Variants in SUFU observed in about 807,000 individuals in gnomAD.
SUFU encodes the protein SUFU negative regulator of hedgehog signaling.
In SUFU, 7 loss-of-function variants were observed where a neutral mutation model predicts 58.9. The ratio of observed to expected loss-of-function variants is 0.12; its 90% CI spans 0.07 to 0.22. SUFU has a LOEUF of 0.22. Among genes scored for constraint, SUFU ranks in the 10% least tolerant of loss-of-function variants. The pLI, the probability that SUFU is intolerant of heterozygous loss-of-function variation, is 1.00. For synonymous variants in SUFU, 232 were observed against 254.8 expected (o/e 0.91, Z 0.85); for missense variants, 451 against 641.3 (o/e 0.70, Z 3.20).
chr10:102,539,691 A>G (rs2062778057), intron 2 of SUFU, among the ~76,000 whole-genome samples: 1 of 152,212 alleles, frequency 6.6e-6, no homozygotes, highest in Non-Finnish European at 1.5e-5. Context: ...ATTTTACTGT[A>G]AGGAAGAGTC....
intron 2 of SUFU, among the ~76,000 whole-genome samples, chr10:102,542,167 C>G (rs1477265967): frequency 7.0e-6 from 1 of 143,020 alleles, no homozygotes; most frequent in African/African-American, 2.6e-5. Flanking sequence ...GAGTCTCACT[C>G]TGTTGCCTGG....
intron 3 of SUFU, among the ~76,000 whole-genome samples, chr10:102,589,238 T>G (rs944190626): frequency 2.0e-5 from 3 of 152,056 alleles, no homozygotes; most frequent in Non-Finnish European, 4.4e-5. Flanking sequence ...TTAGTTTTGT[T>G]TTTGGATTGT....
intron 6 of SUFU, 118 bp downstream of exon 6, chr10:102,594,183 G>T: frequency 2.0e-6 from 2 of 1,018,920 alleles, no homozygotes; most frequent in South Asian, 2.7e-5. Context: ...TAGAAATATG[G>T]CATCACTTGG....
At position 102,538,642 on chromosome 10, in the gene SUFU, CAT is replaced by C. The variant is rs138184719; in HGVS notation, c.318-11327_318-11326del. On this transcript the variant is annotated intron_variant, in intron 2 of 11. Coordinates refer to ENST00000369902, the MANE Select transcript of SUFU (RefSeq NM_016169.4). Reference sequence around the variant, plus strand: ...CCACACGCATGCATGCACACACACACATGTATGCAGCCTCTCCCGCTGTCAAC... The same window carrying C: ...CCACACGCATGCATGCACACACACACGTATGCAGCCTCTCCCGCTGTCAAC... Among the ~76,000 whole-genome samples, 1,357 of 152,244 alleles carry C rather than the reference CAT, an allele frequency of 8.9e-3. 20 individuals are homozygous for C. The highest frequency in any genetic ancestry group is 0.031 in the African/African-American group (1,268 of 41,544).
chr10:102,583,983 A>G (rs1031077517), intron 3 of SUFU, among the ~76,000 whole-genome samples: 1 of 152,214 alleles, frequency 6.6e-6, no homozygotes, highest in African/African-American at 2.4e-5. Flanking sequence ...ACCAGGAGCA[A>G]TGGTGCCACC....
At chr10:102,627,055 A>C (rs565681343) in intron 10 of SUFU, 120 bp from the exon 11 acceptor site, 53 of 1,101,834 alleles carry the variant, frequency 4.8e-5, no homozygotes, top group Non-Finnish European at 7.3e-5. Flanking sequence ...GTGTCCCTTG[A>C]ACAGATCACA....
intron 1 of SUFU, among the ~76,000 whole-genome samples, chr10:102,508,673 C>A (rs1449350467): frequency 1.3e-5 from 2 of 152,148 alleles, no homozygotes; most frequent in East Asian, 1.9e-4. Flanking sequence ...ACATAGGGCA[C>A]AATATAGTCT....
At chr10:102,581,128 C>T (rs977660422) in intron 3 of SUFU, among the ~76,000 whole-genome samples, 5 of 133,876 alleles carry the variant, frequency 3.7e-5, no homozygotes, top group East Asian at 2.2e-4. Context: ...TGCAGTGAGC[C>T]GAGATTGTGT....
chr10:102,514,940 G>A (rs1394032734), intron 2 of SUFU, among the ~76,000 whole-genome samples: 4 of 152,244 alleles, frequency 2.6e-5, no homozygotes, highest in African/African-American at 9.6e-5. Context: ...AAGTCGGGCT[G>A]GTTCCAAAGA....
At chr10:102,548,009 G>A (rs767740105) in intron 2 of SUFU, among the ~76,000 whole-genome samples, 4 of 152,006 alleles carry the variant, frequency 2.6e-5, no homozygotes, top group Non-Finnish European at 5.9e-5. Flanking sequence ...AAAGAAATTA[G>A]CCAGGTGCTA....
chr10:102,585,737 T>C (rs1327149616), intron 3 of SUFU, among the ~76,000 whole-genome samples: 1 of 152,072 alleles, frequency 6.6e-6, no homozygotes, highest in Non-Finnish European at 1.5e-5. Flanking sequence ...CTGGCTGGTC[T>C]CAAACTCCTG....
At chr10:102,598,117 A>G (rs976319304) in intron 7 of SUFU, among the ~76,000 whole-genome samples, 24 of 152,166 alleles carry the variant, frequency 1.6e-4, no homozygotes, top group Non-Finnish European at 5.9e-5. Flanking sequence ...CGTTCTGTAA[A>G]GGACAAACTT....
At chr10:102,555,039 C>T (rs947874886) in intron 3 of SUFU, among the ~76,000 whole-genome samples, 67 of 152,158 alleles carry the variant, frequency 4.4e-4, no homozygotes, top group Admixed American at 1.3e-3. Context: ...GAGGCCGAGG[C>T]GGGCGAATCA....
chr10:102,583,896 G>T (rs1231991557), intron 3 of SUFU, among the ~76,000 whole-genome samples: 1 of 152,090 alleles, frequency 6.6e-6, no homozygotes, highest in Admixed American at 6.5e-5. Flanking sequence ...GTGATGTTCG[G>T]TTTGGGGTAT....
chr10:102,604,601 C>T (rs2063544885), intron 8 of SUFU, among the ~76,000 whole-genome samples: 1 of 152,064 alleles, frequency 6.6e-6, no homozygotes, highest in Non-Finnish European at 1.5e-5. Flanking sequence ...AGTCACTTCT[C>T]CAGGGAAGGG....
chr10:102,584,014 C>T lies in SUFU; in HGVS notation c.455-8568C>T, dbSNP rs375766054. On this transcript the variant is annotated intron_variant, in intron 3 of 11. Transcript: ENST00000369902. Reference sequence around the variant, plus strand: ...CCACCTACTGGGCACTTGCTGGTAGCGACAAGCTCTGTGGCCAGTCCTGTT... The same window carrying T: ...CCACCTACTGGGCACTTGCTGGTAGTGACAAGCTCTGTGGCCAGTCCTGTT... 3.9e-4 allele frequency among the ~76,000 whole-genome samples: 59 copies of T among 152,282 alleles called. 1 individual carries two copies. The highest frequency in any genetic ancestry group is 2.9e-3 in the East Asian group (15 of 5,188).
rs1271614583 is a variant in SUFU, at chr10:102,632,747, A to T, written c.*2592A>T. ...CTTGGAGACTTGCCTAGTTGTACCC[A>T]CCCCTCCAGGTCCCTGGTGCTAGAG... On this transcript the variant is annotated 3_prime_UTR_variant, in exon 12 of 12. Transcript: ENST00000369902. 5 of 232,740 alleles carry T rather than the reference A, an allele frequency of 2.1e-5. No individual in the cohort carries two copies. Among genetic ancestry groups the T allele is most frequent in the African/African-American group, 1.1e-4 (5 of 45,134 alleles). The allele number at this position is 232,740 out of a possible 1,614,324, so 14.4% of individuals were successfully genotyped here.
intron 2 of SUFU, among the ~76,000 whole-genome samples, chr10:102,531,555 A>T (rs1362296043): frequency 1.3e-5 from 2 of 152,090 alleles, no homozygotes; most frequent in African/African-American, 4.8e-5. Context: ...TCCTGTCCTG[A>T]TGGGAGAGAT....
chr10:102,555,816 CT>C (rs1371297809), intron 3 of SUFU, among the ~76,000 whole-genome samples: 13 of 152,250 alleles, frequency 8.5e-5, no homozygotes, highest in Admixed American at 7.9e-4. Context: ...TACTCTACCC[CT>C]GTGTGGTTAC....
Sources: gnomAD v4.1 joint callset for allele counts (sites outside exome capture counted in the v4.1 genomes callset) on GRCh38, gnomAD v4.1.1 for gene constraint, MANE v1.5 for transcripts, NCBI Gene and HGNC (gene_info 2026-07-23, HGNC 2026-07-21) for gene names.